The following RBMS3 variants were observed in gnomAD, a reference collection of about 807,000 sequenced individuals.
RBMS3 encodes RNA binding motif single stranded interacting protein 3, also known as RNA-binding motif, single-stranded-interacting protein 3.
A neutral mutation model predicts 66.8 loss-of-function variants in RBMS3; 27 were observed. The ratio of observed to expected loss-of-function variants is 0.40; its 90% CI spans 0.30 to 0.56. The LOEUF (loss-of-function observed/expected upper bound fraction) is 0.56, where lower values mean the gene tolerates loss of function less well. RBMS3 is among the 20% of genes least tolerant of loss of function. RBMS3 has a pLI of 0.40. For missense variants in RBMS3, 513 were observed against 549.5 expected, an observed-to-expected ratio of 0.93 and a Z score of 0.66; for synonymous variants, 188 against 183.0, an observed-to-expected ratio of 1.03 and a Z score of -0.22.
At chr3:29,979,066 A>C (rs1367421765) in intron 12 of RBMS3, among the ~76,000 whole-genome samples, 1 of 152,044 alleles carries the variant, frequency 6.6e-6, no homozygotes, top group Admixed American at 6.6e-5. Context: ...CAGGAGTTTG[A>C]GGTTACAGTG....
rs141119792 is a variant in RBMS3 at position 29,762,703 on chromosome 3, C to A, written c.558-207C>A. On this transcript the variant is annotated intron_variant, in intron 5 of 14. Transcript: ENST00000383767. ...AGAATAGAGCCCTCCACATAGACAC[C>A]TTTCAAAGAGTGAATAATACTTTCT... Among the ~76,000 whole-genome samples, 321 of 152,184 alleles carry A rather than the reference C, an allele frequency of 2.1e-3. 2 individuals carry two copies. The highest frequency in any genetic ancestry group is 7.4e-3 in the African/African-American group (307 of 41,542).
chr3:29,679,203 A>G (rs1204473306), intron 4 of RBMS3, among the ~76,000 whole-genome samples: 1 of 152,088 alleles, frequency 6.6e-6, no homozygotes, highest in Non-Finnish European at 1.5e-5. Context: ...TAAAGTTTGA[A>G]AAACCACTGA....
At chr3:29,912,277 T>C (rs973707603) in intron 10 of RBMS3, among the ~76,000 whole-genome samples, 3 of 152,114 alleles carry the variant, frequency 2.0e-5, no homozygotes, top group African/African-American at 7.2e-5. Context: ...AGACTATTTC[T>C]GCATTGGCAA....
chr3:29,818,758 A>G (rs1416058285), intron 6 of RBMS3, among the ~76,000 whole-genome samples: 1 of 152,040 alleles, frequency 6.6e-6, no homozygotes, highest in Non-Finnish European at 1.5e-5. Context: ...TATGCCTTTT[A>G]TTTACTTCAT....
At chr3:29,893,317 T>G (rs1279825244) in intron 8 of RBMS3, among the ~76,000 whole-genome samples, 1 of 151,518 alleles carries the variant, frequency 6.6e-6, no homozygotes, top group African/African-American at 2.4e-5. Context: ...TAGTATCCGT[T>G]TACTTGGCTG....
At chr3:29,539,090 G>C (rs1203772178) in intron 3 of RBMS3, among the ~76,000 whole-genome samples, 1 of 152,110 alleles carries the variant, frequency 6.6e-6, no homozygotes, top group Non-Finnish European at 1.5e-5. Context: ...ACTGAAGTCT[G>C]GGCTTCTGAC....
At chr3:29,874,916 G>A (rs1446090443) in intron 7 of RBMS3, among the ~76,000 whole-genome samples, 1 of 152,146 alleles carries the variant, frequency 6.6e-6, no homozygotes, top group Non-Finnish European at 1.5e-5. Flanking sequence ...TAATGTAATT[G>A]GTGATGAGCT....
chr3:29,758,326 A>G (rs1036713228), intron 5 of RBMS3, among the ~76,000 whole-genome samples: 1 of 152,204 alleles, frequency 6.6e-6, no homozygotes, highest in African/African-American at 2.4e-5. Context: ...CAACAGTTCT[A>G]TTCCAGGCTC....
intron 1 of RBMS3, among the ~76,000 whole-genome samples, chr3:29,383,025 C>T (rs1477158510): frequency 1.3e-5 from 2 of 152,162 alleles, no homozygotes; most frequent in Non-Finnish European, 2.9e-5. Context: ...GTGTAACTGT[C>T]AAAGAGCATG....
intron 4 of RBMS3, among the ~76,000 whole-genome samples, chr3:29,730,141 T>C (rs2149334625): frequency 6.6e-6 from 1 of 152,266 alleles, no homozygotes; most frequent in Middle Eastern, 3.4e-3. Context: ...GTATGTCTTA[T>C]GTATTATTCA....
At chr3:29,572,533 T>G (rs1363891057) in intron 3 of RBMS3, among the ~76,000 whole-genome samples, 1 of 152,206 alleles carries the variant, frequency 6.6e-6, no homozygotes, top group Non-Finnish European at 1.5e-5. Context: ...ATCATATGGT[T>G]GTTGTCCTTC....
intron 1 of RBMS3, among the ~76,000 whole-genome samples, chr3:29,358,005 G>C (rs934631164): frequency 1.3e-5 from 2 of 152,110 alleles, no homozygotes; most frequent in Non-Finnish European, 2.9e-5. Context: ...TAGGTTGCCT[G>C]TTCACTCTGA....
chr3:29,815,576 T>C (rs2057864046), intron 6 of RBMS3, among the ~76,000 whole-genome samples: 1 of 152,106 alleles, frequency 6.6e-6, no homozygotes, highest in Non-Finnish European at 1.5e-5. Flanking sequence ...AAATGTGGTA[T>C]ATATACACCA....
At chr3:29,368,130 G>C (rs1210885734) in intron 1 of RBMS3, among the ~76,000 whole-genome samples, 2 of 152,086 alleles carry the variant, frequency 1.3e-5, no homozygotes, top group Admixed American at 1.3e-4. Flanking sequence ...TACTTATGTG[G>C]CCATCAATTT....
chr3:29,606,462 A>G (rs2048324221), intron 4 of RBMS3, among the ~76,000 whole-genome samples: 1 of 151,944 alleles, frequency 6.6e-6, no homozygotes, highest in African/African-American at 2.4e-5. Flanking sequence ...TCAATAACAA[A>G]TAGAATTTGG....
At chr3:29,942,880 CTAT>C (rs1194780431) in intron 11 of RBMS3, among the ~76,000 whole-genome samples, 1 of 148,452 alleles carries the variant, frequency 6.7e-6, no homozygotes, top group East Asian at 2.0e-4. Context: ...GGAGTTACTA[CTAT>C]TATTTAAAAA....
intron 4 of RBMS3, among the ~76,000 whole-genome samples, chr3:29,721,495 A>G (rs1337039632): frequency 6.6e-6 from 1 of 152,148 alleles, no homozygotes; most frequent in Non-Finnish European, 1.5e-5. Context: ...GTGTGTGTAG[A>G]ATGCCAGTAG....
At chr3:29,796,197 C>G (rs917934890) in intron 6 of RBMS3, among the ~76,000 whole-genome samples, 4 of 152,180 alleles carry the variant, frequency 2.6e-5, no homozygotes, top group African/African-American at 9.7e-5. Context: ...TATTGGGCTT[C>G]AAGTAATCCT....
chr3:29,374,048 T>C (rs1318817358), intron 1 of RBMS3, among the ~76,000 whole-genome samples: 1 of 152,134 alleles, frequency 6.6e-6, no homozygotes, highest in Non-Finnish European at 1.5e-5. Flanking sequence ...GAGAGTTTAC[T>C]GTGAGGGCTG....
Sources: allele counts gnomAD v4.1 joint callset (sites outside exome capture counted in the v4.1 genomes callset), GRCh38; gene constraint gnomAD v4.1.1; transcripts MANE v1.5; gene names NCBI Gene and HGNC (gene_info 2026-07-23, HGNC 2026-07-21).